The following RIF1 variants were observed in gnomAD, a reference collection of about 807,000 sequenced individuals.
The protein encoded by RIF1 is telomere-associated protein RIF1.
A neutral mutation model predicts 247.1 loss-of-function variants in RIF1; 45 were observed. That is an observed-to-expected ratio of 0.18 (90% CI 0.14 to 0.23). The LOEUF is 0.23. Among genes scored for constraint, RIF1 ranks in the 10% least tolerant of loss-of-function variants. The pLI is 1.00. For missense variants in RIF1, 2,967 were observed against 2,862.5 expected, an observed-to-expected ratio of 1.04 and a Z score of -0.83; for synonymous variants, 1,087 against 978.8, an observed-to-expected ratio of 1.11 and a Z score of -2.06.
the RIF1 span, chr2:151,529,325 A>G: frequency 6.5e-7 from 1 of 1,540,630 alleles, no homozygotes; most frequent in Non-Finnish European, 9.0e-7. Context: ...CTGTGGGAGG[A>G]AACACAGTGA....
chr2:151,410,956 C>T (rs908196042), intron 2 of RIF1, among the ~76,000 whole-genome samples: 1 of 151,832 alleles, frequency 6.6e-6, no homozygotes, highest in Non-Finnish European at 1.5e-5. Context: ...TTTGTAAAAC[C>T]CTTTGGAAAG....
intron 23 of RIF1, 85 bp from the exon 24 acceptor site, chr2:151,457,676 T>G (rs1695440592): frequency 1.0e-6 from 1 of 1,003,218 alleles, no homozygotes; most frequent in Non-Finnish European, 1.5e-6. Flanking sequence ...AAAATTGTCT[T>G]AATTTTAAAA....
chr2:151,499,886 A>G (rs1201489411), intron 11 of RIF1, among the ~76,000 whole-genome samples: 1 of 152,232 alleles, frequency 6.6e-6, no homozygotes, highest in South Asian at 2.1e-4. Flanking sequence ...TATTTTCCAC[A>G]GTATCTAATA....
chr2:151,529,631 A>C, the RIF1 span, among the ~76,000 whole-genome samples: 12 of 152,112 alleles, frequency 7.9e-5, no homozygotes, highest in African/African-American at 1.9e-4. Flanking sequence ...CCCAGGTTCA[A>C]GCAATTCTCC....
intron 12 of RIF1, among the ~76,000 whole-genome samples, chr2:151,504,147 A>G (rs1006714574): frequency 1.3e-5 from 2 of 152,170 alleles, no homozygotes; most frequent in African/African-American, 4.8e-5. Context: ...TTTTCAGCCT[A>G]AAGGACTGAA....
intron 32 of RIF1, 37 bp downstream of exon 32, chr2:151,468,588 T>G (rs764808001): frequency 6.2e-7 from 1 of 1,604,400 alleles, no homozygotes; most frequent in South Asian, 1.1e-5. Context: ...ACTTTATATT[T>G]TCATGTTCAG....
intron 12 of RIF1, chr2:151,505,336 AC>A: frequency 1.4e-6 from 1 of 710,066 alleles, no homozygotes; most frequent in Non-Finnish European, 2.4e-6. Flanking sequence ...ACCTGTAGTG[AC>A]CCCATCAAGA....
chr2:151,497,542 G>T, intron 10 of RIF1: 1 of 1,503,392 alleles, frequency 6.7e-7, no homozygotes, highest in Non-Finnish European at 8.9e-7. Flanking sequence ...TCTTTAAAAA[G>T]TAGGATTAAT....
chr2:151,503,245 A>T, intron 12 of RIF1: 1 of 826,116 alleles, frequency 1.2e-6, no homozygotes, highest in Non-Finnish European at 2.0e-6. Flanking sequence ...ACACACAGAC[A>T]CACACAGAAT....
intron 10 of RIF1, chr2:151,497,059 A>G: frequency 6.4e-7 from 1 of 1,552,066 alleles, no homozygotes; most frequent in South Asian, 1.2e-5. Context: ...GCAACCAGAA[A>G]AACAACCATG....
the RIF1 span, among the ~76,000 whole-genome samples, chr2:151,514,612 T>A: frequency 6.6e-6 from 1 of 152,188 alleles, no homozygotes; most frequent in Non-Finnish European, 1.5e-5. Context: ...AAGCTTGAAG[T>A]TAATAGAATG....
chr2:151,446,239 TC>T (rs1693247190), intron 19 of RIF1, among the ~76,000 whole-genome samples, 186 bp from the exon 20 acceptor site: 1 of 152,074 alleles, frequency 6.6e-6, no homozygotes, highest in Non-Finnish European at 1.5e-5. Flanking sequence ...CCTCAGGTGA[TC>T]CACCAACCTC....
At chr2:151,490,403 G>A in intron 9 of RIF1, 1 of 1,595,118 alleles carries the variant, frequency 6.3e-7, no homozygotes, top group Non-Finnish European at 8.5e-7. Flanking sequence ...CCCCGTCGCT[G>A]TAAGTCGAAA....
chr2:151,415,388 G>A (rs1184418353), intron 4 of RIF1, among the ~76,000 whole-genome samples: 1 of 150,364 alleles, frequency 6.7e-6, no homozygotes, highest in Admixed American at 6.7e-5. Context: ...CCTACACATA[G>A]CTCTAACTTC....
At chr2:151,494,654 T>G (rs925663289) in intron 9 of RIF1, among the ~76,000 whole-genome samples, 4 of 152,138 alleles carry the variant, frequency 2.6e-5, no homozygotes, top group African/African-American at 9.6e-5. Context: ...TTTTGTTTTG[T>G]TTTGTTTTTG....
At chr2:151,445,496 ATAT>A (rs1479782058) in intron 19 of RIF1, 51 bp downstream of exon 19, 1 of 922,832 alleles carries the variant, frequency 1.1e-6, no homozygotes, top group Non-Finnish European at 1.8e-6. Flanking sequence ...TTTTCTGAAA[ATAT>A]TATTTCATCC....
chr2:151,449,987 G>A (rs562725802), intron 20 of RIF1, among the ~76,000 whole-genome samples: 4 of 152,042 alleles, frequency 2.6e-5, no homozygotes, highest in East Asian at 1.9e-4. Flanking sequence ...GATTAAAGGC[G>A]TGTGCCACCA....
the RIF1 span, chr2:151,526,366 C>T: frequency 1.2e-6 from 1 of 816,452 alleles, no homozygotes; most frequent in African/African-American, 1.7e-5. Flanking sequence ...CAATACTAAA[C>T]TCAATAAAAG....
At chr2:151,503,330 A>G (rs1370141447) in intron 12 of RIF1, 2 of 1,535,208 alleles carry the variant, frequency 1.3e-6, no homozygotes, top group African/African-American at 1.4e-5. Context: ...AGTTTCTTAT[A>G]TGATATATTT....
Sources: allele counts gnomAD v4.1 joint callset (sites outside exome capture counted in the v4.1 genomes callset), GRCh38; gene constraint gnomAD v4.1.1; transcripts MANE v1.5; gene names NCBI Gene and HGNC (gene_info 2026-07-23, HGNC 2026-07-21).